LRRC41: variants seen among roughly 807,000 people sequenced by gnomAD.
The protein encoded by LRRC41 is leucine rich repeat containing 41.
Under a neutral mutation model 72.1 loss-of-function variants are expected in LRRC41, and 17 were observed. The observed-to-expected ratio is 0.24, with a 90% confidence interval of 0.16 to 0.35. The LOEUF (loss-of-function observed/expected upper bound fraction) is 0.35. LRRC41 is among the 10% of genes least tolerant of loss of function. The pLI is 1.00. For synonymous variants in LRRC41, 427 were observed against 431.0 expected (o/e 0.99, Z 0.11); for missense variants, 759 against 1,065.0 (o/e 0.71, Z 4.00).
intron 3 of LRRC41, among the ~76,000 whole-genome samples, chr1:46,289,313 T>A (rs1416346965): frequency 6.6e-6 from 1 of 152,212 alleles, no homozygotes; most frequent in Non-Finnish European, 1.5e-5. Flanking sequence ...TGCCTTAGTT[T>A]CATCATCTAT....
intron 4 of LRRC41, among the ~76,000 whole-genome samples, chr1:46,282,907 C>A (rs1483836062): frequency 6.6e-6 from 1 of 151,930 alleles, no homozygotes; most frequent in African/African-American, 2.4e-5. Flanking sequence ...GTGGCATGTG[C>A]CTGTAATCCC....
intron 5 of LRRC41, 116 bp from the exon 6 acceptor site, chr1:46,280,676 G>T: frequency 2.0e-6 from 2 of 1,011,188 alleles, no homozygotes; most frequent in Non-Finnish European, 2.9e-6. Flanking sequence ...TTCACTTGTC[G>T]TTGAGTGCCT....
rs1256816797 is a variant in LRRC41, at chr1:46,286,943, A to C, written c.358-444T>G. ...AAGTGATTCTCGTGCCTCAGCCTCC[A>C]GAGAAGCTGGGATTACAGGCGCCCG... is the stretch of plus-strand genomic sequence containing the variant. On this transcript the variant is annotated intron_variant, in intron 3 of 9. Coordinates refer to ENST00000617190, the MANE Select transcript of LRRC41 (RefSeq NM_006369.5). The surrounding 1 kb of genome is among the most constrained non-coding windows in gnomAD (Gnocchi z 5.5). 1.3e-5 allele frequency among the ~76,000 whole-genome samples: 2 copies of C among 150,972 alleles called. No individual in the cohort carries two copies. The highest frequency in any genetic ancestry group is 2.0e-4 in the East Asian group (1 of 5,120).
In LRRC41 at chr1:46,280,382, T is replaced by TCCCTTCAAAGGTA; in HGVS notation, c.1921+13_1921+14insTACCTTTGAAGGG. 2 of 1,614,200 alleles carry TCCCTTCAAAGGTA rather than the reference T, an allele frequency of 1.2e-6. No homozygotes were observed. The highest frequency in any genetic ancestry group is 1.7e-6 in the Non-Finnish European group (2 of 1,180,034). ...ACCTACTCCTCTCCCTTCACCATTCTGGCTGGGTCCTACCTTTGAGTGTTT... is the reference window on the plus strand; with the variant it reads ...ACCTACTCCTCTCCCTTCACCATTCTCCCTTCAAAGGTAGGCTGGGTCCTACCTTTGAGTGTTT... On this transcript the variant is annotated intron_variant, in intron 6 of 9. Coordinates refer to ENST00000617190, the MANE Select transcript of LRRC41 (RefSeq NM_006369.5).
At chr1:46,298,876 A>G (rs1661173901) in intron 1 of LRRC41, 1 of 152,712 alleles carries the variant, frequency 6.5e-6, no homozygotes, top group Non-Finnish European at 1.5e-5. Context: ...GTCCTTTGTC[A>G]TGCTGTTCTA....
rs1660872624 is a variant in LRRC41, at chr1:46,285,800, C to A, written c.1057G>T (p.Gly353Cys). ...GGAGCAGAAGGTGACCGCTTGGTGC[C>A]AGGAGCCTCATGGGAGGTGGCTGGG... is the stretch of plus-strand genomic sequence containing the variant. ...HPPATSHEAP[G>C]TKRSPSAPAA... The change falls in exon 4 of 10, where the codon GGC becomes TGC. Residue 353 changes from glycine (G) to cysteine (C), a missense_variant. Physicochemically the swap from Gly to Cys is radical, Grantham distance 159. Transcript: ENST00000617190. The surrounding 1 kb of genome is among the most constrained non-coding windows in gnomAD (Gnocchi z 5.3). 6.3e-7 allele frequency: 1 copy of A among 1,594,154 alleles called. No homozygotes were observed. Among genetic ancestry groups the A allele is most frequent in the Non-Finnish European group, 8.5e-7 (1 of 1,171,406 alleles).
chr1:46,284,324 T>G (rs1301871571), intron 4 of LRRC41: 1 of 152,196 alleles, frequency 6.6e-6, no homozygotes, highest in African/African-American at 2.4e-5. Flanking sequence ...TCTGGTTGCC[T>G]GGGTTTTGAA....
chr1:46,298,207 G>A, intron 2 of LRRC41, 77 bp downstream of exon 2: 2 of 1,024,246 alleles, frequency 2.0e-6, no homozygotes, highest in Non-Finnish European at 3.0e-6. Context: ...CAGGTATCAG[G>A]GGTAATATTT....
At position 46,302,492 on chromosome 1, in the gene LRRC41, C is replaced by T; in HGVS notation, c.199+632G>A. On this transcript the variant is annotated intron_variant, in intron 1 of 9. Transcript: ENST00000617190. This position sits in a 1 kb window ranked among gnomAD's most constrained non-coding sequence, Gnocchi z 4.7. Reference sequence around the variant, plus strand: ...ACCCCGGTTGTCGGTTCGCTCCCGTCAGCCCTGGGCCGTCAGACAGGCCGC... The same window carrying T: ...ACCCCGGTTGTCGGTTCGCTCCCGTTAGCCCTGGGCCGTCAGACAGGCCGC... 4.1e-6 allele frequency: 4 copies of T among 985,348 alleles called. No individual in the cohort carries two copies. Among genetic ancestry groups the T allele is most frequent in the Non-Finnish European group, 4.8e-6 (4 of 829,898 alleles). The allele number at this position is 985,348 out of a possible 1,614,324, so 61.0% of individuals were successfully genotyped here.
In LRRC41 at chr1:46,279,094, TGA is replaced by T. The variant is rs1660709779; in HGVS notation, c.2220-12_2220-11del. ...CTTGATGCAGTTGGAACTGGTAGGG[TGA>T]GATGGATTAGATATCCAGGAAGCAG... is the stretch of plus-strand genomic sequence containing the variant. On this transcript the variant is annotated splice_polypyrimidine_tract_variant and intron_variant, in intron 9 of 9. Coordinates refer to ENST00000617190, the MANE Select transcript of LRRC41 (RefSeq NM_006369.5). The surrounding 1 kb of genome is among the most constrained non-coding windows in gnomAD (Gnocchi z 4.5). 1 of 1,609,280 alleles carries T rather than the reference TGA, an allele frequency of 6.2e-7. No homozygotes were observed. The highest frequency in any genetic ancestry group is 1.3e-5 in the African/African-American group (1 of 74,828).
At chr1:46,297,738 G>A (rs1009280576) in intron 2 of LRRC41, 105 bp from the exon 3 acceptor site, 7 of 792,866 alleles carry the variant, frequency 8.8e-6, no homozygotes, top group Non-Finnish European at 1.1e-5. Flanking sequence ...ATGGCAGAGT[G>A]ATTAAGGGCA....
chr1:46,289,614 C>G (rs554536945), intron 3 of LRRC41, among the ~76,000 whole-genome samples: 1 of 151,850 alleles, frequency 6.6e-6, no homozygotes. Context: ...ACAAAAAATT[C>G]GCCGGGCGAG....
At chr1:46,292,559 T>C (rs1367935920) in intron 3 of LRRC41, among the ~76,000 whole-genome samples, 1 of 152,248 alleles carries the variant, frequency 6.6e-6, no homozygotes, top group African/African-American at 2.4e-5. Flanking sequence ...AAGACTTTAC[T>C]AAACTAAGAG....
chr1:46,295,437 G>A (rs534406987), intron 3 of LRRC41, among the ~76,000 whole-genome samples: 13 of 152,254 alleles, frequency 8.5e-5, no homozygotes, highest in African/African-American at 3.1e-4. Flanking sequence ...TATTTATCTT[G>A]TTCACCATTG....
Position 46,278,720 on chromosome 1 carries a change from CCTCAGTG to C in LRRC41, c.*138_*144del. On this transcript the variant is annotated 3_prime_UTR_variant, in exon 10 of 10. Transcript: ENST00000617190. ...CTGGGCCTCATCAAGGCCTCCAGGA[CCTCAGTG>C]CAAGGGAAGAAGGAAAAAAGAGAAA... The C allele has an allele frequency of 1.3e-6, 1 of 789,664 alleles. No homozygotes were observed. Among genetic ancestry groups the C allele is most frequent in the South Asian group, 1.8e-5 (1 of 56,998 alleles). 48.9% of individuals were successfully genotyped at this position (789,664 alleles called of 1,614,324 possible). A position where few individuals can be genotyped will look rare whatever the true frequency, so the allele number is the denominator to read the frequency against.
chr1:46,303,594 C>A lies in LRRC41; in HGVS notation c.-272G>T. On this transcript the variant is annotated 5_prime_UTR_variant, in exon 1 of 10. Transcript: ENST00000617190. ...ATCAGCTACCCCTAACCTCTGCCTG[C>A]GGCTGGTAGTACATGCCAATCTGAG... 3 of 992,462 alleles carry A rather than the reference C, an allele frequency of 3.0e-6. No homozygotes were observed. The highest frequency in any genetic ancestry group is 4.4e-6 in the Non-Finnish European group (3 of 675,148). 61.5% of individuals were successfully genotyped at this position (992,462 alleles called of 1,614,324 possible). A position where few individuals can be genotyped will look rare whatever the true frequency, so the allele number is the denominator to read the frequency against.
chr1:46,278,247 C>T lies in LRRC41; in HGVS notation c.*618G>A, dbSNP rs758653425. 1.9e-6 allele frequency: 3 copies of T among 1,613,842 alleles called. No individual in the cohort carries two copies. The South Asian group carries it at 3.3e-5, about 18-fold the overall frequency. The stretch of plus-strand genomic sequence containing the variant: ...CACTGCCATCACCTTCGTCTTCCAC[C>T]AGCGTTCTCATGAGGAGCAGCGGGG... On this transcript the variant is annotated 3_prime_UTR_variant, in exon 10 of 10. Coordinates refer to ENST00000617190, the MANE Select transcript of LRRC41 (RefSeq NM_006369.5).
At chr1:46,293,410 T>C (rs996428145) in intron 3 of LRRC41, among the ~76,000 whole-genome samples, 1 of 151,874 alleles carries the variant, frequency 6.6e-6, no homozygotes, top group African/African-American at 2.4e-5. Context: ...CAGCTAACTT[T>C]TGTATTTTTT....
chr1:46,296,534 T>C (rs1661130501), intron 3 of LRRC41, among the ~76,000 whole-genome samples: 1 of 152,210 alleles, frequency 6.6e-6, no homozygotes, highest in Non-Finnish European at 1.5e-5. Flanking sequence ...TTTCAGTAAA[T>C]GTTTATTGAA....
Sources: gnomAD v4.1 joint callset for allele counts (sites outside exome capture counted in the v4.1 genomes callset) on GRCh38, gnomAD v4.1.1 for gene constraint, Gnocchi (gnomAD v3.1) non-coding constraint, MANE v1.5 for transcripts, NCBI Gene and HGNC (gene_info 2026-07-23, HGNC 2026-07-21) for gene names.